Variants in ADAM18 observed in about 807,000 individuals in gnomAD.
The protein encoded by ADAM18 is disintegrin and metalloproteinase domain-containing protein 18.
In ADAM18, 117 loss-of-function variants were observed where a neutral mutation model predicts 94.4. The ratio of observed to expected loss-of-function variants is 1.24; its 90% CI spans 1.07 to 1.45. The LOEUF (loss-of-function observed/expected upper bound fraction) is 1.45, where lower values mean the gene tolerates loss of function less well. Ranked by LOEUF, ADAM18 falls within the 40% of genes most tolerant of loss-of-function variation. ADAM18 has a pLI of 0.00. For synonymous variants in ADAM18, 327 were observed against 291.6 expected (o/e 1.12, Z -1.24); for missense variants, 936 against 880.0 (o/e 1.06, Z -0.81).
At chr8:39,661,145 C>T (rs1200933535) in intron 12 of ADAM18, among the ~76,000 whole-genome samples, 1 of 132,122 alleles carries the variant, frequency 7.6e-6, no homozygotes, top group Non-Finnish European at 1.6e-5. Flanking sequence ...ACAACTGTTT[C>T]TTCTTCTTCT....
intron 12 of ADAM18, among the ~76,000 whole-genome samples, chr8:39,648,884 T>C (rs1820453935): frequency 6.6e-6 from 1 of 152,196 alleles, no homozygotes. Context: ...TCCAAATTTT[T>C]CCCTATCTCT....
chr8:39,685,262 T>C (rs912283670), intron 16 of ADAM18: 1 of 152,286 alleles, frequency 6.6e-6, no homozygotes, highest in Non-Finnish European at 1.5e-5. Context: ...GATGGCACCA[T>C]GGAGACACCC....
chr8:39,669,312 TTA>T (rs1011221816), intron 14 of ADAM18, among the ~76,000 whole-genome samples: 5 of 150,818 alleles, frequency 3.3e-5, no homozygotes, highest in Admixed American at 2.0e-4. Flanking sequence ...ACTCTTTTTT[TTA>T]AATTTTATTA....
intron 14 of ADAM18, among the ~76,000 whole-genome samples, chr8:39,672,371 G>A (rs1249016911): frequency 6.6e-6 from 1 of 152,184 alleles, no homozygotes; most frequent in Non-Finnish European, 1.5e-5. Context: ...AGACCAGATA[G>A]CAGTGCTTAC....
At chr8:39,586,780 CT>C (rs1319472722) in intron 2 of ADAM18, among the ~76,000 whole-genome samples, 9 of 127,122 alleles carry the variant, frequency 7.1e-5, no homozygotes, top group Admixed American at 3.3e-4. Context: ...ATCTATCTAT[CT>C]ATCTATCTAT....
At chr8:39,676,728 G>A (rs976211204) in intron 14 of ADAM18, among the ~76,000 whole-genome samples, 8 of 152,188 alleles carry the variant, frequency 5.3e-5, no homozygotes, top group Non-Finnish European at 7.3e-5. Context: ...CTTCTGCATC[G>A]ATCACACTGG....
At chr8:39,626,322 G>T (rs1434624328) in intron 6 of ADAM18, among the ~76,000 whole-genome samples, 1 of 151,836 alleles carries the variant, frequency 6.6e-6, no homozygotes, top group Admixed American at 6.6e-5. Context: ...GGAACTAATG[G>T]TCTATTAGTT....
chr8:39,712,221 G>A (rs1451562594), intron 18 of ADAM18, among the ~76,000 whole-genome samples: 3 of 152,048 alleles, frequency 2.0e-5, no homozygotes, highest in African/African-American at 2.4e-5. Context: ...ATACAGAAAA[G>A]GCCTTTGATA....
chr8:39,706,910 T>A lies in ADAM18; in HGVS notation c.2017+6T>A, dbSNP rs1822258219. 1 of 1,513,694 alleles carries A rather than the reference T, an allele frequency of 6.6e-7. No homozygotes were observed. The highest frequency in any genetic ancestry group is 1.8e-5 in the Admixed American group (1 of 55,306). 93.8% of individuals were successfully genotyped at this position (1,513,694 alleles called of 1,614,324 possible). A position where few individuals can be genotyped will look rare whatever the true frequency, so the allele number is the denominator to read the frequency against. ...TGGAAATTTTCAGAAATCTGGTAAG[T>A]GGAAATTTGTTTTCTAAAGCAAAAT... is the stretch of plus-strand genomic sequence containing the variant. On this transcript the variant is annotated splice_donor_region_variant and intron_variant, in intron 18 of 19. Transcript: ENST00000265707.
intron 12 of ADAM18, among the ~76,000 whole-genome samples, chr8:39,649,021 C>A (rs1820456711): frequency 6.6e-6 from 1 of 152,004 alleles, no homozygotes; most frequent in African/African-American, 2.4e-5. Context: ...TATGTATATA[C>A]CCGATTATAA....
intron 6 of ADAM18, among the ~76,000 whole-genome samples, chr8:39,625,598 C>T (rs1341112106): frequency 6.6e-6 from 1 of 151,828 alleles, no homozygotes; most frequent in African/African-American, 2.4e-5. Flanking sequence ...TGAAAGTATC[C>T]TTCTTTGTCT....
At chr8:39,678,056 AAG>A (rs1326238353) in intron 15 of ADAM18, among the ~76,000 whole-genome samples, 1 of 152,230 alleles carries the variant, frequency 6.6e-6, no homozygotes, top group Non-Finnish European at 1.5e-5. Context: ...TACTTTAATA[AAG>A]GAAGTGCCTA....
At chr8:39,688,117 G>C (rs532374313) in intron 16 of ADAM18, among the ~76,000 whole-genome samples, 9 of 152,266 alleles carry the variant, frequency 5.9e-5, no homozygotes, top group African/African-American at 2.2e-4. Context: ...TTTCTCTGCA[G>C]CCTTACTGGC....
chr8:39,729,668 G>A (rs1823018420), intron 19 of ADAM18, among the ~76,000 whole-genome samples: 1 of 151,722 alleles, frequency 6.6e-6, no homozygotes, highest in Non-Finnish European at 1.5e-5. Context: ...TTTTTAGTTG[G>A]ACTCCTTATA....
Position 39,648,441 on chromosome 8 carries a change from A to C in ADAM18, c.1144A>C (p.Asn382His), listed in dbSNP as rs1343187093. The C allele has an allele frequency of 6.2e-7, 1 of 1,612,996 alleles. No individual in the cohort carries two copies. The highest frequency in any genetic ancestry group is 8.5e-7 in the Non-Finnish European group (1 of 1,179,488). Residue 382 changes from asparagine to histidine, a missense_variant, in exon 12 of 20, where the codon AAT becomes CAT. Asn to His is a moderately conservative substitution (Grantham distance 68). Coordinates refer to ENST00000265707, the MANE Select transcript of ADAM18 (RefSeq NM_014237.3). ...GACTAAATGCCTTCAGAAGCTTTCA[A>C]ATTTGCAACCATTACATCAAAATCA... ...FETKCLQKLSNLQPLHQNQPV... is the reference protein window; with the variant it reads ...FETKCLQKLSHLQPLHQNQPV...
intron 12 of ADAM18, among the ~76,000 whole-genome samples, chr8:39,660,479 A>C (rs928683434): frequency 6.6e-6 from 1 of 152,236 alleles, no homozygotes; most frequent in African/African-American, 2.4e-5. Context: ...GTAGACTTCA[A>C]GTGGAAAACA....
chr8:39,679,401 G>A (rs1821381564), intron 15 of ADAM18, among the ~76,000 whole-genome samples: 1 of 152,118 alleles, frequency 6.6e-6, no homozygotes, highest in African/African-American at 2.4e-5. Context: ...TCATAGAGAA[G>A]CCAGTATTTT....
intron 6 of ADAM18, among the ~76,000 whole-genome samples, chr8:39,619,346 C>G (rs1273659755): frequency 1.3e-5 from 2 of 152,162 alleles, no homozygotes; most frequent in African/African-American, 4.8e-5. Flanking sequence ...GAGATCTGAT[C>G]CAACAACTTC....
intron 6 of ADAM18, among the ~76,000 whole-genome samples, chr8:39,617,864 AC>A (rs1819491229): frequency 1.3e-5 from 2 of 152,058 alleles, no homozygotes; most frequent in African/African-American, 4.8e-5. Flanking sequence ...TAGGGTGGGG[AC>A]CTATTGGGTA....
Sources: gnomAD v4.1 joint callset for allele counts (sites outside exome capture counted in the v4.1 genomes callset) on GRCh38, gnomAD v4.1.1 for gene constraint, MANE v1.5 for transcripts, NCBI Gene and HGNC (gene_info 2026-07-23, HGNC 2026-07-21) for gene names.